The following KIAA1549L variants were observed in gnomAD, a reference collection of about 807,000 sequenced individuals.
KIAA1549L encodes the protein KIAA1549 like.
Under a neutral mutation model 160.7 loss-of-function variants are expected in KIAA1549L, and 88 were observed. The observed-to-expected ratio is 0.55, with a 90% CI of 0.46 to 0.65. The LOEUF (loss-of-function observed/expected upper bound fraction) is 0.65. Among genes scored for constraint, KIAA1549L ranks in the 30% least tolerant of loss-of-function variants. The probability of loss-of-function intolerance (pLI) is 0.00; values close to 1 mark genes in which losing one functional copy is unlikely to be tolerated. For missense variants in KIAA1549L, 2,258 were observed against 2,437.5 expected (o/e 0.93, Z 1.55); for synonymous variants, 950 against 976.7 (o/e 0.97, Z 0.51).
intron 1 of KIAA1549L, among the ~76,000 whole-genome samples, chr11:33,440,936 ATACTTTAAGTTT>A (rs956627421): frequency 3.3e-5 from 5 of 151,644 alleles, no homozygotes; most frequent in Non-Finnish European, 7.4e-5. Context: ...TATTATTATT[ATACTTTAAGTTT>A]TAGAGTACAT....
chr11:33,493,434 C>T (rs1357355257), intron 1 of KIAA1549L, among the ~76,000 whole-genome samples: 2 of 152,178 alleles, frequency 1.3e-5, no homozygotes, highest in Non-Finnish European at 2.9e-5. Context: ...AAACTACCCA[C>T]TCTGTGGACT....
chr11:33,410,673 A>G (rs1850768760), intron 1 of KIAA1549L, among the ~76,000 whole-genome samples: 1 of 152,210 alleles, frequency 6.6e-6, no homozygotes, highest in African/African-American at 2.4e-5. Context: ...GATTCCCTGT[A>G]GACCCATGCA....
At chr11:33,604,868 G>A (rs182845211) in intron 13 of KIAA1549L, among the ~76,000 whole-genome samples, 2 of 152,240 alleles carry the variant, frequency 1.3e-5, no homozygotes, top group African/African-American at 2.4e-5. Context: ...CTTACGTGAC[G>A]GGTACACTAA....
intron 1 of KIAA1549L, among the ~76,000 whole-genome samples, chr11:33,506,694 T>C (rs1474136740): frequency 1.4e-5 from 2 of 141,040 alleles, no homozygotes; most frequent in African/African-American, 2.6e-5. Context: ...CTAGCCCGGG[T>C]GACAGAATAA....
chr11:33,631,806 A>C (rs1851297020), intron 16 of KIAA1549L, among the ~76,000 whole-genome samples: 1 of 151,618 alleles, frequency 6.6e-6, no homozygotes, highest in African/African-American at 2.4e-5. Flanking sequence ...TCCCCATGCA[A>C]CTCCTCGAGG....
At chr11:33,427,819 TG>T (rs1435598110) in intron 1 of KIAA1549L, among the ~76,000 whole-genome samples, 3 of 152,218 alleles carry the variant, frequency 2.0e-5, no homozygotes, top group African/African-American at 7.2e-5. Context: ...AACCACAAAT[TG>T]GCATTCCGTG....
chr11:33,470,979 C>A (rs1004200991), intron 1 of KIAA1549L, among the ~76,000 whole-genome samples: 2 of 151,944 alleles, frequency 1.3e-5, no homozygotes, highest in Admixed American at 1.3e-4. Context: ...TTAGGTGTTT[C>A]CATAAGTTTC....
chr11:33,440,120 C>CTTTTTTTTTTTTTTTTTTTTTTTTTTTT lies in KIAA1549L; in HGVS notation c.238+63258_238+63259insTTTTTTTTTTTTTTTTTTTTTTTTTTTT, dbSNP rs201551936. On this transcript the variant is annotated intron_variant, in intron 1 of 20. Transcript: ENST00000658780. ...GGTTATTTCCTCACCTATTTTGTTT[C>CTTTTTTTTTTTTTTTTTTTTTTTTTTTT]TTTTTTTTTTTTTTTTTTTTTTTTT... is the stretch of plus-strand genomic sequence containing the variant. Among the ~76,000 whole-genome samples, 8 of 83,426 alleles carry CTTTTTTTTTTTTTTTTTTTTTTTTTTTT rather than the reference C, an allele frequency of 9.6e-5. 1 individual carries two copies. Among genetic ancestry groups the CTTTTTTTTTTTTTTTTTTTTTTTTTTTT allele is most frequent in the Non-Finnish European group, 1.2e-4 (5 of 40,754 alleles). The allele number at this position is 83,426 out of a possible 152,430, so 54.7% of individuals were successfully genotyped here. A position where few individuals can be genotyped will look rare whatever the true frequency, so the allele number is the denominator to read the frequency against.
intron 16 of KIAA1549L, among the ~76,000 whole-genome samples, chr11:33,621,307 T>G (rs1378762275): frequency 1.3e-5 from 2 of 152,202 alleles, no homozygotes; most frequent in Non-Finnish European, 2.9e-5. Flanking sequence ...CCAAGGGGTT[T>G]GGGATCACTG....
chr11:33,495,197 A>G (rs904780389), intron 1 of KIAA1549L, among the ~76,000 whole-genome samples: 1 of 152,032 alleles, frequency 6.6e-6, no homozygotes, highest in Non-Finnish European at 1.5e-5. Context: ...ACATATGTAT[A>G]CATGTGCCAT....
At chr11:33,395,482 G>A (rs1233626769) in intron 1 of KIAA1549L, among the ~76,000 whole-genome samples, 1 of 152,106 alleles carries the variant, frequency 6.6e-6, no homozygotes, top group Non-Finnish European at 1.5e-5. Context: ...ATGAGAAAAT[G>A]TAACATTTTC....
At chr11:33,614,533 T>C (rs371696339) in intron 15 of KIAA1549L, among the ~76,000 whole-genome samples, 119 of 2,482 alleles carry the variant, frequency 0.048, 8 homozygotes, top group Admixed American at 0.087. Flanking sequence ...TGTAACAAGA[T>C]ATATATATAT....
At chr11:33,480,502 A>G (rs1385664733) in intron 1 of KIAA1549L, among the ~76,000 whole-genome samples, 1 of 152,138 alleles carries the variant, frequency 6.6e-6, no homozygotes, top group African/African-American at 2.4e-5. Context: ...TTTTGTGTGG[A>G]TGGATGTTTT....
At chr11:33,478,578 A>AT (rs1371701870) in intron 1 of KIAA1549L, among the ~76,000 whole-genome samples, 7 of 152,132 alleles carry the variant, frequency 4.6e-5, no homozygotes, top group South Asian at 2.1e-4. Flanking sequence ...TAGGAATAGC[A>AT]TTTTTTTCCA....
chr11:33,628,731 CTT>C (rs1358307894), intron 16 of KIAA1549L, among the ~76,000 whole-genome samples: 1 of 150,176 alleles, frequency 6.7e-6, no homozygotes, highest in African/African-American at 2.5e-5. Flanking sequence ...GGTCTTGACT[CTT>C]TATCCAATTT....
intron 1 of KIAA1549L, among the ~76,000 whole-genome samples, chr11:33,449,094 G>A (rs1022387609): frequency 6.6e-6 from 1 of 152,194 alleles, no homozygotes; most frequent in Non-Finnish European, 1.5e-5. Flanking sequence ...AACAGTGATT[G>A]TCTTTGGGTA....
chr11:33,423,465 G>A (rs186636855), intron 1 of KIAA1549L, among the ~76,000 whole-genome samples: 137 of 152,340 alleles, frequency 9.0e-4, no homozygotes, highest in Non-Finnish European at 1.6e-3. Flanking sequence ...CAGTGGCAGA[G>A]CATTCACATT....
Position 33,668,773 on chromosome 11 carries a change from C to T in KIAA1549L, c.*619C>T, listed in dbSNP as rs1328653864. On this transcript the variant is annotated 3_prime_UTR_variant, in exon 21 of 21. Transcript: ENST00000658780. ...ATAAATAGACCTGATTCTTTGTTTC[C>T]CTCGTCAATTAAACAAAGGCCAAGA... The T allele has an allele frequency of 2.6e-5, 4 of 152,102 alleles. No homozygotes were observed. In the East Asian group the frequency reaches 7.7e-4, roughly 29 times the overall value. The allele number at this position is 152,102 out of a possible 1,614,324, so 9.4% of individuals were successfully genotyped here.
At chr11:33,389,304 G>C (rs1246263749) in intron 1 of KIAA1549L, among the ~76,000 whole-genome samples, 1 of 152,168 alleles carries the variant, frequency 6.6e-6, no homozygotes, top group Non-Finnish European at 1.5e-5. Context: ...ACCCAAGAAG[G>C]CTGAAGAAAA....
Sources: gnomAD v4.1 joint callset for allele counts (sites outside exome capture counted in the v4.1 genomes callset) on GRCh38, gnomAD v4.1.1 for gene constraint, MANE v1.5 for transcripts, NCBI Gene and HGNC (gene_info 2026-07-23, HGNC 2026-07-21) for gene names.